SCN2A: variants seen among roughly 807,000 people sequenced by gnomAD.
SCN2A encodes sodium channel protein type 2 subunit alpha.
In SCN2A, 20 loss-of-function variants were observed where a neutral mutation model predicts 188.7. The observed-to-expected ratio is 0.11, with a 90% CI of 0.07 to 0.15. The LOEUF (loss-of-function observed/expected upper bound fraction) is 0.15, where lower values mean the gene tolerates loss of function less well. Ranked by LOEUF, SCN2A falls within the 10% of genes least tolerant of loss-of-function variation. The probability of loss-of-function intolerance (pLI) is 1.00; values close to 1 mark genes in which losing one functional copy is unlikely to be tolerated. For synonymous variants in SCN2A, 804 were observed against 833.1 expected (o/e 0.97, Z 0.60); for missense variants, 1,278 against 2,445.0 (o/e 0.52, Z 10.07).
In SCN2A at chr2:165,299,108, G is replaced by GA. The variant is rs563324564; in HGVS notation, c.386+1983dup. On this transcript the variant is annotated intron_variant, in intron 3 of 26. Coordinates refer to ENST00000375437, the MANE Select transcript of SCN2A (RefSeq NM_001040142.2). ...CTCATGAAAACTATTGTCCCCACTT[G>GA]AAAAAAAAAATCCTAGGAGATTATG... 2.0e-3 allele frequency among the ~76,000 whole-genome samples: 293 copies of GA among 149,058 alleles called. 1 individual carries two copies. The highest frequency in any genetic ancestry group is 2.7e-3 in the Admixed American group (40 of 14,956).
At chr2:165,345,057 T>A in intron 16 of SCN2A, 146 bp downstream of exon 16, 1 of 1,015,684 alleles carries the variant, frequency 9.8e-7, no homozygotes, top group East Asian at 2.6e-5. Flanking sequence ...CCATGTATAG[T>A]TTAGACCATT....
intron 6 of SCN2A, 22 bp from the exon 7 acceptor site, chr2:165,310,301 C>A (rs781153923): frequency 1.2e-6 from 2 of 1,612,882 alleles, no homozygotes; most frequent in Non-Finnish European, 1.7e-6. Flanking sequence ...ATTTAAATTC[C>A]CCCTTCTGAT....
chr2:165,350,464 C>CTTTTTTTTTTCTTT (rs1699831043), intron 16 of SCN2A, among the ~76,000 whole-genome samples: 1 of 73,848 alleles, frequency 1.4e-5, no homozygotes, highest in Non-Finnish European at 2.5e-5. Flanking sequence ...TGTTTTCTTT[C>CTTTTTTTTTTCTTT]TTTTTTTTTT....
intron 1 of SCN2A, among the ~76,000 whole-genome samples, chr2:165,278,198 G>A (rs754065308): frequency 6.6e-6 from 1 of 152,168 alleles, no homozygotes; most frequent in Non-Finnish European, 1.5e-5. Context: ...TTAGAAGACC[G>A]TGAGCACATT....
intron 14 of SCN2A, among the ~76,000 whole-genome samples, chr2:165,332,539 A>C (rs1043561851): frequency 2.6e-5 from 4 of 152,014 alleles, no homozygotes; most frequent in African/African-American, 9.7e-5. Context: ...ATTAACAGAG[A>C]AATGGAAGGT....
At chr2:165,335,426 A>G (rs1222589051) in intron 14 of SCN2A, among the ~76,000 whole-genome samples, 1 of 151,742 alleles carries the variant, frequency 6.6e-6, no homozygotes. Flanking sequence ...AATGGAATAA[A>G]ATTGAAATTC....
intron 1 of SCN2A, among the ~76,000 whole-genome samples, chr2:165,246,025 C>T (rs1247564924): frequency 6.6e-6 from 1 of 152,084 alleles, no homozygotes; most frequent in Non-Finnish European, 1.5e-5. Context: ...TTAAGCCTGA[C>T]TTCCCAGGGA....
chr2:165,334,120 T>TA (rs1362085650), intron 14 of SCN2A, among the ~76,000 whole-genome samples: 2 of 150,546 alleles, frequency 1.3e-5, no homozygotes, highest in African/African-American at 4.9e-5. Context: ...AATTCACAAT[T>TA]AAAAAAAAGA....
At chr2:165,363,136 G>T (rs528310494) in intron 17 of SCN2A, among the ~76,000 whole-genome samples, 2 of 152,194 alleles carry the variant, frequency 1.3e-5, no homozygotes, top group African/African-American at 4.8e-5. Flanking sequence ...TCAAGGGCTA[G>T]ACTTCATTAT....
chr2:165,275,806 CT>C (rs1695310770), intron 1 of SCN2A, among the ~76,000 whole-genome samples: 1 of 151,058 alleles, frequency 6.6e-6, no homozygotes, highest in Non-Finnish European at 1.5e-5. Context: ...GTGATCTCGG[CT>C]CACTGCAACC....
intron 1 of SCN2A, among the ~76,000 whole-genome samples, chr2:165,246,167 T>C (rs1693837605): frequency 6.6e-6 from 1 of 152,212 alleles, no homozygotes; most frequent in Admixed American, 6.5e-5. Context: ...TATTTCCACA[T>C]TTGGGTATGC....
intron 14 of SCN2A, among the ~76,000 whole-genome samples, chr2:165,334,084 A>C (rs1487435155): frequency 1.3e-5 from 2 of 151,352 alleles, no homozygotes; most frequent in East Asian, 3.9e-4. Flanking sequence ...AGACTATCTC[A>C]ATATACTTAT....
chr2:165,260,686 G>A (rs1273898676), intron 1 of SCN2A, among the ~76,000 whole-genome samples: 1 of 152,046 alleles, frequency 6.6e-6, no homozygotes, highest in African/African-American at 2.4e-5. Context: ...TGGTGTGGTG[G>A]CCAGGCATGG....
intron 17 of SCN2A, among the ~76,000 whole-genome samples, chr2:165,357,986 A>G (rs1179555961): frequency 6.6e-6 from 1 of 152,170 alleles, no homozygotes; most frequent in African/African-American, 2.4e-5. Flanking sequence ...CACAGCTGCT[A>G]TTATGCTGAG....
chr2:165,342,591 A>T (rs1425700612), intron 15 of SCN2A, 122 bp downstream of exon 15: 3 of 1,065,662 alleles, frequency 2.8e-6, no homozygotes, highest in Non-Finnish European at 4.3e-6. Context: ...TCTAAAACAA[A>T]TTGGATTGCC....
Position 165,342,602 on chromosome 2 carries a change from A to G in SCN2A, c.2562+133A>G, listed in dbSNP as rs2105315170. 9.9e-6 allele frequency: 9 copies of G among 904,974 alleles called. 1 individual carries two copies. The Middle Eastern group carries it at 2.2e-3, about 222-fold the overall frequency. The allele number at this position is 904,974 out of a possible 1,614,324, so 56.1% of individuals were successfully genotyped here. Reference sequence around the variant, plus strand: ...CACTTCTAAAACAAATTGGATTGCCATACCACCAAATGGTAGTTTCTTCTT... The same window carrying G: ...CACTTCTAAAACAAATTGGATTGCCGTACCACCAAATGGTAGTTTCTTCTT... On this transcript the variant is annotated intron_variant, in intron 15 of 26. Transcript: ENST00000375437.
chr2:165,354,402 G>C lies in SCN2A; in HGVS notation c.3130G>C (p.Asp1044His). The change falls in exon 17 of 27, where the codon GAT (aspartate) becomes CAT (histidine). Residue 1044 changes from aspartate (D) to histidine (H), a missense_variant. This residue lies in a region of SCN2A where 228 missense variants were observed against 297.3 expected (regional missense o/e 0.77). Transcript: ENST00000375437. ...TTTAGATGAAATTAAACCGCTTGAA[G>C]ATCTAAATAATAAAAAAGACAGCTG... The part of the protein sequence containing the change: ...KALDEIKPLE[D>H]LNNKKDSCIS... 6.2e-7 allele frequency: 1 copy of C among 1,613,984 alleles called. No homozygotes were observed. Among genetic ancestry groups the C allele is most frequent in the Non-Finnish European group, 8.5e-7 (1 of 1,179,924 alleles).
chr2:165,294,969 T>C (rs956530844), intron 1 of SCN2A, among the ~76,000 whole-genome samples: 3 of 152,202 alleles, frequency 2.0e-5, no homozygotes, highest in Non-Finnish European at 4.4e-5. Context: ...TTTGAGGAAA[T>C]TGGCTATCTC....
At chr2:165,353,338 A>T (rs966654479) in intron 16 of SCN2A, among the ~76,000 whole-genome samples, 2 of 152,196 alleles carry the variant, frequency 1.3e-5, no homozygotes, top group Non-Finnish European at 1.5e-5. Flanking sequence ...TGATTTGTCC[A>T]GTTATCTAGG....
Sources: gnomAD v4.1 joint callset for allele counts (sites outside exome capture counted in the v4.1 genomes callset) on GRCh38, gnomAD v4.1.1 for gene constraint, gnomAD v4.1.1 regional missense constraint, MANE v1.5 for transcripts, NCBI Gene and HGNC (gene_info 2026-07-23, HGNC 2026-07-21) for gene names.